Variants in TRIM38 observed in about 807,000 individuals in gnomAD.
The protein encoded by TRIM38 is tripartite motif containing 38.
TRIM38 carries 35 observed loss-of-function variants against 35.8 expected under a neutral mutation model. The observed-to-expected ratio is 0.98, with a 90% CI of 0.75 to 1.30. The LOEUF (loss-of-function observed/expected upper bound fraction) is 1.30. Ranked by LOEUF, TRIM38 falls within the 50% of genes most tolerant of loss-of-function variation. TRIM38 has a pLI of 0.00. For synonymous variants in TRIM38, 198 were observed against 204.7 expected (o/e 0.97, Z 0.28); for missense variants, 545 against 556.9 (o/e 0.98, Z 0.21).
intron 7 of TRIM38, among the ~76,000 whole-genome samples, chr6:25,978,330 C>G (rs1189432390): frequency 2.6e-5 from 4 of 151,370 alleles, no homozygotes; most frequent in Admixed American, 2.6e-4. Context: ...GACAGCATCT[C>G]TATATGCTAT....
intron 7 of TRIM38, among the ~76,000 whole-genome samples, chr6:25,981,816 T>C (rs936929264): frequency 5.3e-5 from 8 of 152,232 alleles, no homozygotes; most frequent in African/African-American, 1.9e-4. Context: ...GGAAAAGGTA[T>C]CTTTCTGCTC....
intron 1 of TRIM38, 68 bp downstream of exon 1, chr6:25,962,923 T>C (rs1272462287): frequency 6.6e-6 from 1 of 152,418 alleles, no homozygotes; most frequent in African/African-American, 2.4e-5. Context: ...GATATGTGAG[T>C]GTGTACTGAT....
At chr6:25,967,652 T>C (rs1760102410) in intron 3 of TRIM38, among the ~76,000 whole-genome samples, 1 of 144,640 alleles carries the variant, frequency 6.9e-6, no homozygotes, top group Non-Finnish European at 1.5e-5. Flanking sequence ...TCCTCCCACC[T>C]CAGCCTCCCA....
rs535081288 is a variant in TRIM38, at chr6:25,975,013, C to G, written c.874+1728C>G. 4.6e-5 allele frequency: 44 copies of G among 949,846 alleles called. No homozygotes were observed. The African/African-American group carries it at 7.8e-4, about 17-fold the overall frequency. The allele number at this position is 949,846 out of a possible 1,614,324, so 58.8% of individuals were successfully genotyped here. A position where few individuals can be genotyped will look rare whatever the true frequency, so the allele number is the denominator to read the frequency against. On this transcript the variant is annotated intron_variant, in intron 7 of 7. Transcript: ENST00000357085. The stretch of plus-strand genomic sequence containing the variant: ...GAATCATAATATGGTTCAAGTGAAA[C>G]TATTTCTTTCTTTCTTTCTTTCTTT...
intron 5 of TRIM38, among the ~76,000 whole-genome samples, chr6:25,972,769 C>T (rs1252679120): frequency 6.6e-6 from 1 of 152,192 alleles, no homozygotes; most frequent in Non-Finnish European, 1.5e-5. Flanking sequence ...GGACAAAGCT[C>T]CTGGCCCTCA....
At position 25,966,665 on chromosome 6, in the gene TRIM38, G is replaced by A; in HGVS notation, c.143G>A (p.Ser48Asn). 1 of 1,614,140 alleles carries A rather than the reference G, an allele frequency of 6.2e-7. No homozygotes were observed. Among genetic ancestry groups the A allele is most frequent in the Non-Finnish European group, 8.5e-7 (1 of 1,180,014 alleles). ...LCITDFFKNPSQKQLRQETFC... is the reference protein window; with the variant it reads ...LCITDFFKNPNQKQLRQETFC... ...ATAACAGACTTCTTTAAAAACCCAAGCCAAAAGCAACTGAGGCAGGAGACA... is the reference window on the plus strand; with the variant it reads ...ATAACAGACTTCTTTAAAAACCCAAACCAAAAGCAACTGAGGCAGGAGACA... Residue 48 changes from serine (S) to asparagine (N), a missense_variant, in exon 3 of 8, where the codon AGC (serine) becomes AAC (asparagine). Transcript: ENST00000357085.
intron 7 of TRIM38, 93 bp downstream of exon 7, chr6:25,973,378 CA>C: frequency 6.6e-7 from 1 of 1,518,572 alleles, no homozygotes; most frequent in Non-Finnish European, 8.8e-7. Context: ...GGCTCACAGC[CA>C]GAGAGGTTGT....
At position 25,975,607 on chromosome 6, in the gene TRIM38, C is replaced by T. The variant is rs897785874; in HGVS notation, c.874+2322C>T. ...ATGCAACAAATACATTTTAATCAGTCAAACAATATAAAGGATATAAGGAGA... is the reference window on the plus strand; with the variant it reads ...ATGCAACAAATACATTTTAATCAGTTAAACAATATAAAGGATATAAGGAGA... On this transcript the variant is annotated intron_variant, in intron 7 of 7. Transcript: ENST00000357085. 6 of 981,950 alleles carry T rather than the reference C, an allele frequency of 6.1e-6. No individual in the cohort carries two copies. In the African/African-American group the frequency reaches 8.8e-5, roughly 14 times the overall value. 60.8% of individuals were successfully genotyped at this position (981,950 alleles called of 1,614,324 possible).
intron 7 of TRIM38, among the ~76,000 whole-genome samples, chr6:25,977,212 T>G (rs1048079845): frequency 1.4e-4 from 21 of 152,174 alleles, no homozygotes; most frequent in African/African-American, 4.3e-4. Context: ...GGGCAGTGAA[T>G]TTTATCACCT....
At chr6:25,978,396 G>A (rs1431880440) in intron 7 of TRIM38, among the ~76,000 whole-genome samples, 1 of 151,976 alleles carries the variant, frequency 6.6e-6, no homozygotes, top group East Asian at 1.9e-4. Context: ...GTCTATATCT[G>A]TATCTATCTA....
Position 25,966,938 on chromosome 6 carries a change from G to GT in TRIM38, c.411+6dup, listed in dbSNP as rs1277845133. 1 of 1,595,468 alleles carries GT rather than the reference G, an allele frequency of 6.3e-7. No individual in the cohort carries two copies. The highest frequency in any genetic ancestry group is 2.2e-5 in the East Asian group (1 of 44,524). On this transcript the variant is annotated splice_donor_region_variant and intron_variant, in intron 3 of 7. Coordinates refer to ENST00000357085, the MANE Select transcript of TRIM38 (RefSeq NM_006355.5). The stretch of plus-strand genomic sequence containing the variant: ...GACGTATGCCAGGGCTACAAGGTGA[G>GT]TGTGTGGGCCCGGGAGCTTTGGTAA...
intron 7 of TRIM38, among the ~76,000 whole-genome samples, chr6:25,974,427 A>G (rs149243600): frequency 6.6e-6 from 1 of 152,324 alleles, no homozygotes; most frequent in African/African-American, 2.4e-5. Flanking sequence ...AGTCTTACAT[A>G]ATGAAACGTA....
At chr6:25,983,094 A>G (rs1386301831) in intron 7 of TRIM38, 70 bp from the exon 8 acceptor site, 2 of 1,466,710 alleles carry the variant, frequency 1.4e-6, no homozygotes, top group African/African-American at 2.8e-5. Flanking sequence ...CTCAAAATAA[A>G]ATAAAATAAA....
chr6:25,972,974 AAAG>A (rs1010592500), intron 5 of TRIM38, 77 bp from the exon 6 acceptor site: 12 of 1,582,002 alleles, frequency 7.6e-6, no homozygotes, highest in African/African-American at 2.7e-5. Context: ...CGGGTAAAGC[AAAG>A]AAGAATAGCC....
At chr6:25,983,055 C>T in intron 7 of TRIM38, 109 bp from the exon 8 acceptor site, 1 of 1,143,710 alleles carries the variant, frequency 8.7e-7, no homozygotes, top group South Asian at 1.6e-5. Context: ...TGCCAGTGCA[C>T]TCCAGCCTGG....
chr6:25,972,046 C>T lies in TRIM38; in HGVS notation c.685C>T (p.His229Tyr). ...GCTGAAGAGCAATGAACTCAAGAGC[C>T]ACATCCTGGAACTGGAGGAAAAATG... ...LGLKSNELKSHILELEEKCQG... is the reference protein window; with the variant it reads ...LGLKSNELKSYILELEEKCQG... The change falls in exon 5 of 8, where the codon CAC (histidine) becomes TAC (tyrosine). Residue 229 changes from histidine (H) to tyrosine (Y), a missense_variant. By Grantham distance (83) the His-to-Tyr change is moderately conservative. Coordinates refer to ENST00000357085, the MANE Select transcript of TRIM38 (RefSeq NM_006355.5). 6.2e-7 allele frequency: 1 copy of T among 1,614,068 alleles called. No homozygotes were observed. Among genetic ancestry groups the T allele is most frequent in the Non-Finnish European group, 8.5e-7 (1 of 1,180,014 alleles).
chr6:25,983,218 A>T lies in TRIM38; in HGVS notation c.929A>T (p.Asp310Val), dbSNP rs1377449572. The change falls in exon 8 of 8, where the codon GAT becomes GTT. Residue 310 changes from aspartate to valine, a missense_variant. Coordinates refer to ENST00000357085, the MANE Select transcript of TRIM38 (RefSeq NM_006355.5). ...CATCACGAACTAATTCTCTCTGAGG[A>T]TCGGAGACAAGTGACTCGTGGATAC... ...TAHHELILSE[D>V]RRQVTRGYTQ... is the part of the protein sequence containing the mutation. The T allele has an allele frequency of 1.2e-6, 2 of 1,613,414 alleles. No homozygotes were observed. Among genetic ancestry groups the T allele is most frequent in the South Asian group, 1.1e-5 (1 of 90,948 alleles).
chr6:25,985,309 A>G lies in TRIM38; in HGVS notation c.*1622A>G, dbSNP rs372415596. ...CTTTTTTTTTAAAAAAAAAAAAAAAAAAAGGGAAAGAAAAAGTTGCCTTCC... is the reference window on the plus strand; with the variant it reads ...CTTTTTTTTTAAAAAAAAAAAAAAAGAAAGGGAAAGAAAAAGTTGCCTTCC... On this transcript the variant is annotated 3_prime_UTR_variant, in exon 8 of 8. Coordinates refer to ENST00000357085, the MANE Select transcript of TRIM38 (RefSeq NM_006355.5). 2 of 150,752 alleles carry G rather than the reference A, an allele frequency of 1.3e-5. No homozygotes were observed. The highest frequency in any genetic ancestry group is 6.6e-5 in the Admixed American group (1 of 15,190). 9.3% of individuals were successfully genotyped at this position (150,752 alleles called of 1,614,324 possible). A position where few individuals can be genotyped will look rare whatever the true frequency, so the allele number is the denominator to read the frequency against.
rs1212764679 is a variant in TRIM38, at chr6:25,991,178, G to A, written c.*7491G>A. 2 of 152,148 alleles carry A rather than the reference G, an allele frequency of 1.3e-5. No homozygotes were observed. The highest frequency in any genetic ancestry group is 4.8e-5 in the African/African-American group (2 of 41,418). 9.4% of individuals were successfully genotyped at this position (152,148 alleles called of 1,614,324 possible). A position where few individuals can be genotyped will look rare whatever the true frequency, so the allele number is the denominator to read the frequency against. On this transcript the variant is annotated 3_prime_UTR_variant, in exon 8 of 8. Coordinates refer to ENST00000357085, the MANE Select transcript of TRIM38 (RefSeq NM_006355.5). ...ATCTTGATGTCACTCCTGAGCACTT[G>A]CTTTAATGTGTTGGACACTGGGTCC...
Sources: allele counts gnomAD v4.1 joint callset (sites outside exome capture counted in the v4.1 genomes callset), GRCh38; gene constraint gnomAD v4.1.1; transcripts MANE v1.5; gene names NCBI Gene and HGNC (gene_info 2026-07-23, HGNC 2026-07-21).